The following SV2B variants were observed in gnomAD, a reference collection of about 807,000 sequenced individuals.
The protein encoded by SV2B is solute carrier family 22 member B2.
Under a neutral mutation model 73.9 loss-of-function variants are expected in SV2B, and 41 were observed. The ratio of observed to expected loss-of-function variants is 0.56; its 90% confidence interval spans 0.43 to 0.72. The LOEUF (loss-of-function observed/expected upper bound fraction) is 0.72. Among genes scored for constraint, SV2B ranks in the 30% least tolerant of loss-of-function variants. The pLI is 0.00. For synonymous variants in SV2B, 314 were observed against 314.2 expected (o/e 1.00, Z 0.01); for missense variants, 764 against 857.8 (o/e 0.89, Z 1.37).
chr15:91,133,227 G>T (rs533326729), intron 1 of SV2B, among the ~76,000 whole-genome samples: 1 of 152,234 alleles, frequency 6.6e-6, no homozygotes, highest in East Asian at 1.9e-4. Flanking sequence ...TGGGTCTCGG[G>T]GCTAATTAGA....
In SV2B at chr15:91,226,590, G is replaced by T. The variant is rs1249714122; in HGVS notation, c.327G>T (p.Trp109Cys). The T allele has an allele frequency of 6.2e-7, 1 of 1,614,200 alleles. No homozygotes were observed. Among genetic ancestry groups the T allele is most frequent in the East Asian group, 2.2e-5 (1 of 44,878 alleles). Residue 109 changes from tryptophan to cysteine, a missense_variant, in exon 2 of 13, where the codon TGG becomes TGT. Trp to Cys is a radical substitution (Grantham distance 215). Coordinates refer to ENST00000394232, the MANE Select transcript of SV2B (RefSeq NM_001323032.3). ...AGTGTGGCCATGGCCGCTTCCAGTGGATCCTCTTTTTCGTCTTGGGTTTGG... is the reference window on the plus strand; with the variant it reads ...AGTGTGGCCATGGCCGCTTCCAGTGTATCCTCTTTTTCGTCTTGGGTTTGG... Reference protein sequence around the residue: ...MDECGHGRFQWILFFVLGLAL... With the variant: ...MDECGHGRFQCILFFVLGLAL...
chr15:91,211,338 T>A (rs1228096901), intron 1 of SV2B, among the ~76,000 whole-genome samples: 1 of 152,286 alleles, frequency 6.6e-6, no homozygotes, highest in East Asian at 1.9e-4. Flanking sequence ...CATGGGTGTG[T>A]GGCCTTCTCT....
rs554292295 is a variant in SV2B at position 91,174,699 on chromosome 15, G to A, written c.-391-51174G>A. ...ACAAATGGAATCTAGTGTAGTGATA[G>A]TCAAAGAAAAGCTTTTCTACAATAG... On this transcript the variant is annotated intron_variant, in intron 1 of 12. Transcript: ENST00000394232. Among the ~76,000 whole-genome samples, 40 of 152,290 alleles carry A rather than the reference G, an allele frequency of 2.6e-4. No homozygotes were observed. The South Asian group carries it at 7.3e-3, about 28-fold the overall frequency.
chr15:91,168,405 T>A (rs1447462914), intron 1 of SV2B, among the ~76,000 whole-genome samples: 1 of 151,568 alleles, frequency 6.6e-6, no homozygotes, highest in Non-Finnish European at 1.5e-5. Flanking sequence ...TTTCTCTGAG[T>A]TGTGGGTGCC....
intron 1 of SV2B, among the ~76,000 whole-genome samples, chr15:91,117,078 T>A (rs940751266): frequency 6.6e-6 from 1 of 152,174 alleles, no homozygotes; most frequent in Non-Finnish European, 1.5e-5. Context: ...ATATCAATAG[T>A]CACAATGGTT....
At chr15:91,221,695 A>ACACACT (rs2046223373) in intron 1 of SV2B, among the ~76,000 whole-genome samples, 1 of 132,330 alleles carries the variant, frequency 7.6e-6, no homozygotes, top group African/African-American at 3.1e-5. Context: ...GCATGTGCGC[A>ACACACT]CACACACACA....
At position 91,220,453 on chromosome 15, in the gene SV2B, T is replaced by C. The variant is rs1379385897; in HGVS notation, c.-391-5420T>C. ...CCAAACTTACTTGCTCTTGGAATTC[T>C]ATTTTTCACTGAAAGGAGAATATTA... On this transcript the variant is annotated intron_variant, in intron 1 of 12. Transcript: ENST00000394232. The surrounding 1 kb of genome is among the most constrained non-coding windows in gnomAD (Gnocchi z 4.1). 6.6e-6 allele frequency among the ~76,000 whole-genome samples: 1 copy of C among 152,266 alleles called. No individual in the cohort carries two copies. Among genetic ancestry groups the C allele is most frequent in the Non-Finnish European group, 1.5e-5 (1 of 68,040 alleles).
chr15:91,172,225 C>T (rs1233389833), intron 1 of SV2B, among the ~76,000 whole-genome samples: 2 of 152,216 alleles, frequency 1.3e-5, no homozygotes, highest in African/African-American at 4.8e-5. Context: ...CCCTCTGCAT[C>T]CCTGTCCCAC....
At chr15:91,275,761 G>A (rs901865127) in intron 9 of SV2B, among the ~76,000 whole-genome samples, 3 of 152,150 alleles carry the variant, frequency 2.0e-5, no homozygotes, top group Non-Finnish European at 4.4e-5. Flanking sequence ...GGAAGGTGAA[G>A]GTTGCAGTGA....
intron 1 of SV2B, among the ~76,000 whole-genome samples, chr15:91,113,614 C>A (rs1336647704): frequency 6.6e-6 from 1 of 152,082 alleles, no homozygotes; most frequent in Non-Finnish European, 1.5e-5. Context: ...TTTTTTCCCG[C>A]GATGAATATA....
chr15:91,182,065 C>A (rs2044600669), intron 1 of SV2B, among the ~76,000 whole-genome samples: 1 of 152,052 alleles, frequency 6.6e-6, no homozygotes, highest in Non-Finnish European at 1.5e-5. Context: ...TTGTATAGAA[C>A]CACATTATCA....
chr15:91,170,708 A>T (rs1356800052), intron 1 of SV2B, among the ~76,000 whole-genome samples: 1 of 152,226 alleles, frequency 6.6e-6, no homozygotes, highest in Non-Finnish European at 1.5e-5. Context: ...TCACCATTGT[A>T]ATTTCAGAAA....
chr15:91,218,960 A>G (rs2046126439), intron 1 of SV2B, among the ~76,000 whole-genome samples: 1 of 151,842 alleles, frequency 6.6e-6, no homozygotes, highest in Non-Finnish European at 1.5e-5. Context: ...TTTTTTTAAT[A>G]CATGGTCTTT....
In SV2B at chr15:91,121,823, G is replaced by A. The variant is rs2042345298; in HGVS notation, c.-392+21460G>A. Among the ~76,000 whole-genome samples the A allele has an allele frequency of 6.7e-6, 1 of 149,002 alleles. No homozygotes were observed. The highest frequency in any genetic ancestry group is 1.5e-5 in the Non-Finnish European group (1 of 67,610). Reference sequence around the variant, plus strand: ...GGAGTCTCGCTCTGTCACCCAGGCTGGAGTGCAGTGGCGCGATCTCGGCTC... The same window carrying A: ...GGAGTCTCGCTCTGTCACCCAGGCTAGAGTGCAGTGGCGCGATCTCGGCTC... On this transcript the variant is annotated intron_variant, in intron 1 of 12. Coordinates refer to ENST00000394232, the MANE Select transcript of SV2B (RefSeq NM_001323032.3). The surrounding 1 kb of genome is among the most constrained non-coding windows in gnomAD (Gnocchi z 4.4).
At chr15:91,271,264 G>T (rs1312596794) in intron 9 of SV2B, among the ~76,000 whole-genome samples, 1 of 152,210 alleles carries the variant, frequency 6.6e-6, no homozygotes, top group Non-Finnish European at 1.5e-5. Flanking sequence ...CTGCAGAGAT[G>T]AATTCTTTTA....
rs2048347794 is a variant in SV2B at position 91,272,521 on chromosome 15, G to T, written c.1373+3916G>T. On this transcript the variant is annotated intron_variant, in intron 9 of 12. Transcript: ENST00000394232. Reference sequence around the variant, plus strand: ...GTCTTACTCCTGGCGGTTCCTCAAAGCTGATGCTGTGTTCTTACTCAGGTA... The same window carrying T: ...GTCTTACTCCTGGCGGTTCCTCAAATCTGATGCTGTGTTCTTACTCAGGTA... Among the ~76,000 whole-genome samples the T allele has an allele frequency of 2.6e-5, 4 of 152,142 alleles. No individual in the cohort carries two copies. In the South Asian group the frequency reaches 8.3e-4, roughly 32 times the overall value.
chr15:91,216,477 T>G (rs945888219), intron 1 of SV2B, among the ~76,000 whole-genome samples: 13 of 141,340 alleles, frequency 9.2e-5, no homozygotes, highest in African/African-American at 3.6e-4. Flanking sequence ...TTTTTTTTTG[T>G]TTTTTTGTTT....
rs2048081617 is a variant in SV2B, at chr15:91,265,880, C to T, written c.1009-702C>T. ...TGTTTTGGCTGGGCGCAGTGGCTCACGCCTATAATCCCAGCACTGTGGGAG... is the reference window on the plus strand; with the variant it reads ...TGTTTTGGCTGGGCGCAGTGGCTCATGCCTATAATCCCAGCACTGTGGGAG... On this transcript the variant is annotated intron_variant, in intron 6 of 12. Coordinates refer to ENST00000394232, the MANE Select transcript of SV2B (RefSeq NM_001323032.3). The surrounding 1 kb of genome is among the most constrained non-coding windows in gnomAD (Gnocchi z 4.2). 4.6e-5 allele frequency among the ~76,000 whole-genome samples: 7 copies of T among 152,242 alleles called. No individual in the cohort carries two copies. Among genetic ancestry groups the T allele is most frequent in the Admixed American group, 2.0e-4 (3 of 15,276 alleles).
intron 9 of SV2B, among the ~76,000 whole-genome samples, chr15:91,278,218 G>C (rs1280274416): frequency 6.6e-6 from 1 of 152,152 alleles, no homozygotes; most frequent in East Asian, 1.9e-4. Context: ...TGCTAGAGCT[G>C]CAAAAAGAGC....
Sources: gnomAD v4.1 joint callset for allele counts (sites outside exome capture counted in the v4.1 genomes callset) on GRCh38, gnomAD v4.1.1 for gene constraint, Gnocchi (gnomAD v3.1) non-coding constraint, MANE v1.5 for transcripts, NCBI Gene and HGNC (gene_info 2026-07-23, HGNC 2026-07-21) for gene names.